Variants in EDIL3 observed in about 807,000 individuals in gnomAD.
The protein encoded by EDIL3 is EGF like and discoidin domains 3, also known as EGF-like repeat and discoidin I-like domain-containing protein 3.
EDIL3 carries 37 observed loss-of-function variants against 67.4 expected under a neutral mutation model. The observed-to-expected ratio is 0.55, with a 90% CI of 0.42 to 0.72. The LOEUF (loss-of-function observed/expected upper bound fraction) is 0.72. Among genes scored for constraint, EDIL3 ranks in the 30% least tolerant of loss-of-function variants. The pLI is 0.00. For synonymous variants in EDIL3, 195 were observed against 196.3 expected (o/e 0.99, Z 0.05); for missense variants, 527 against 586.3 (o/e 0.90, Z 1.04).
chr5:84,154,793 A>G (rs1320774482), intron 4 of EDIL3, among the ~76,000 whole-genome samples: 1 of 142,956 alleles, frequency 7.0e-6, no homozygotes, highest in Admixed American at 7.4e-5. Flanking sequence ...TCTGCCTCCC[A>G]GGTTCAAGCG....
At chr5:84,298,680 A>C (rs1012476790) in intron 1 of EDIL3, among the ~76,000 whole-genome samples, 2 of 152,188 alleles carry the variant, frequency 1.3e-5, no homozygotes, top group Non-Finnish European at 2.9e-5. Flanking sequence ...TAAATGTGGC[A>C]ACTGGCTAGA....
intron 9 of EDIL3, among the ~76,000 whole-genome samples, chr5:83,973,160 T>G (rs1246911977): frequency 6.6e-6 from 1 of 152,054 alleles, no homozygotes; most frequent in Non-Finnish European, 1.5e-5. Flanking sequence ...CTTCCTTATT[T>G]GCCTTTCAAG....
chr5:84,322,938 G>C (rs992277370), intron 1 of EDIL3, among the ~76,000 whole-genome samples: 1 of 151,906 alleles, frequency 6.6e-6, no homozygotes, highest in Non-Finnish European at 1.5e-5. Context: ...GAAAAAAAAT[G>C]TCAATCAAGA....
chr5:84,100,974 A>T (rs1747355852), intron 6 of EDIL3, among the ~76,000 whole-genome samples: 1 of 152,080 alleles, frequency 6.6e-6, no homozygotes, highest in Admixed American at 6.6e-5. Flanking sequence ...GTGGAAACCA[A>T]GTCATCTCAC....
chr5:84,053,858 C>T (rs1267704487), intron 9 of EDIL3, among the ~76,000 whole-genome samples: 3 of 152,160 alleles, frequency 2.0e-5, no homozygotes, highest in Admixed American at 1.3e-4. Context: ...GATGGATTCA[C>T]AGCTGAATTC....
At chr5:84,157,628 C>T (rs559658612) in intron 4 of EDIL3, among the ~76,000 whole-genome samples, 40 of 152,070 alleles carry the variant, frequency 2.6e-4, no homozygotes, top group East Asian at 1.9e-3. Context: ...ATTTCTTGGA[C>T]CATTTCCATT....
rs185701285 is a variant in EDIL3, at chr5:84,116,425, A to C, written c.470-9595T>G. On this transcript the variant is annotated intron_variant, in intron 5 of 10. Transcript: ENST00000296591. Reference sequence around the variant, plus strand: ...TGTAAGAAAATATTTTTCATTTAGAAGATAATAGGTAATACCTGCATAATC... The same window carrying C: ...TGTAAGAAAATATTTTTCATTTAGACGATAATAGGTAATACCTGCATAATC... Among the ~76,000 whole-genome samples, 1,200 of 152,294 alleles carry C rather than the reference A, an allele frequency of 7.9e-3. 8 individuals are homozygous for C. Among genetic ancestry groups the C allele is most frequent in the Non-Finnish European group, 0.012 (800 of 68,026 alleles).
At chr5:84,167,040 A>C (rs164060) in intron 4 of EDIL3, among the ~76,000 whole-genome samples, 64,753 of 151,852 alleles carry the variant, frequency 0.43, 14,238 homozygotes, top group East Asian at 0.74. Flanking sequence ...GCTTGAAGTG[A>C]ACTATGAAAC....
At position 84,384,485 on chromosome 5, in the gene EDIL3, A is replaced by C. The variant is rs897499375; in HGVS notation, c.-111T>G. 5 of 1,007,132 alleles carry C rather than the reference A, an allele frequency of 5.0e-6. No homozygotes were observed. The highest frequency in any genetic ancestry group is 1.6e-5 in the African/African-American group (1 of 61,112). 62.4% of individuals were successfully genotyped at this position (1,007,132 alleles called of 1,614,324 possible). A position where few individuals can be genotyped will look rare whatever the true frequency, so the allele number is the denominator to read the frequency against. On this transcript the variant is annotated 5_prime_UTR_variant, in exon 1 of 11. Coordinates refer to ENST00000296591, the MANE Select transcript of EDIL3 (RefSeq NM_005711.5). ...AGACTCCGCCCCTACTAAAGAATTCAAGAAGACGTTCTCTTTCCTCAGCGC... is the reference window on the plus strand; with the variant it reads ...AGACTCCGCCCCTACTAAAGAATTCCAGAAGACGTTCTCTTTCCTCAGCGC...
At chr5:84,192,756 CGA>C (rs1286462288) in intron 3 of EDIL3, among the ~76,000 whole-genome samples, 3 of 151,804 alleles carry the variant, frequency 2.0e-5, no homozygotes, top group Admixed American at 6.6e-5. Flanking sequence ...CGTCAGTAAA[CGA>C]GAGGACTGAC....
intron 1 of EDIL3, among the ~76,000 whole-genome samples, chr5:84,382,222 G>C (rs990258920): frequency 2.6e-5 from 4 of 152,206 alleles, no homozygotes; most frequent in Non-Finnish European, 5.9e-5. Context: ...GAAGAATATG[G>C]AGCATCCAGC....
intron 1 of EDIL3, among the ~76,000 whole-genome samples, chr5:84,276,758 G>C (rs1341371757): frequency 6.6e-6 from 1 of 151,834 alleles, no homozygotes; most frequent in African/African-American, 2.4e-5. Flanking sequence ...ATTTTTAGTA[G>C]AGATGGGGTT....
At position 84,141,928 on chromosome 5, in the gene EDIL3, T is replaced by TATATATATAC. The variant is rs1554069993; in HGVS notation, c.356-4575_356-4574insGTATATATAT. ...ACTCATATATATATATATATACACA[T>TATATATATAC]ATATATATATATATATATACATAGA... is the stretch of plus-strand genomic sequence containing the variant. On this transcript the variant is annotated intron_variant, in intron 4 of 10. Coordinates refer to ENST00000296591, the MANE Select transcript of EDIL3 (RefSeq NM_005711.5). Among the ~76,000 whole-genome samples, 153 of 121,280 alleles carry TATATATATAC rather than the reference T, an allele frequency of 1.3e-3. 1 individual carries two copies. The highest frequency in any genetic ancestry group is 4.0e-3 in the Middle Eastern group (1 of 252). 79.6% of individuals were successfully genotyped at this position (121,280 alleles called of 152,430 possible).
chr5:84,359,885 AC>A (rs1342288504), intron 1 of EDIL3, among the ~76,000 whole-genome samples: 3 of 151,652 alleles, frequency 2.0e-5, no homozygotes, highest in Admixed American at 6.6e-5. Context: ...ACGCAACTAA[AC>A]TCCTCTTTTC....
In EDIL3 at chr5:83,943,327, A is replaced by C; in HGVS notation, c.*92T>G. The C allele has an allele frequency of 6.5e-7, 1 of 1,537,070 alleles. No homozygotes were observed. The highest frequency in any genetic ancestry group is 1.2e-5 in the South Asian group (1 of 81,486). ...CACTTTTTCATGAAAAAAAAAAAAA[A>C]ACCATTCAGTTTCCTACAGATTTTG... On this transcript the variant is annotated 3_prime_UTR_variant, in exon 11 of 11. Transcript: ENST00000296591.
intron 1 of EDIL3, among the ~76,000 whole-genome samples, chr5:84,340,835 C>T (rs1747096064): frequency 6.6e-6 from 1 of 151,580 alleles, no homozygotes; most frequent in African/African-American, 2.4e-5. Flanking sequence ...TAGGTCTGTT[C>T]TCCAGCTTCA....
chr5:84,053,619 A>C (rs574682004), intron 9 of EDIL3, among the ~76,000 whole-genome samples: 1 of 152,236 alleles, frequency 6.6e-6, no homozygotes, highest in Non-Finnish European at 1.5e-5. Flanking sequence ...AAAATGATAA[A>C]GGGGATATCA....
intron 4 of EDIL3, among the ~76,000 whole-genome samples, chr5:84,174,097 T>C (rs153248): frequency 0.53 from 79,854 of 151,998 alleles, 21,236 homozygotes; most frequent in East Asian, 0.72. Flanking sequence ...TGGCATGGCA[T>C]GCTAGCAGGA....
chr5:84,089,490 C>G (rs1183513608), intron 6 of EDIL3, among the ~76,000 whole-genome samples: 1 of 152,174 alleles, frequency 6.6e-6, no homozygotes, highest in Admixed American at 6.5e-5. Flanking sequence ...GTAAAAGCCT[C>G]CTAGCTGGTA....
Sources: allele counts gnomAD v4.1 joint callset (sites outside exome capture counted in the v4.1 genomes callset), GRCh38; gene constraint gnomAD v4.1.1; transcripts MANE v1.5; gene names NCBI Gene and HGNC (gene_info 2026-07-23, HGNC 2026-07-21).